The following ZNF723 variants were observed in gnomAD, a reference collection of about 807,000 sequenced individuals.
The protein encoded by ZNF723 is zinc finger protein 723, pseudogene.
Under a neutral mutation model 9.4 loss-of-function variants are expected in ZNF723, and 5 were observed. The observed-to-expected ratio is 0.53, with a 90% CI of 0.28 to 1.12. ZNF723 has a LOEUF of 1.12. Among genes scored for constraint, ZNF723 ranks in the 50% most tolerant of loss-of-function variants. The probability of loss-of-function intolerance (pLI) is 0.10; values close to 1 mark genes in which losing one functional copy is unlikely to be tolerated. For missense variants in ZNF723, 450 were observed against 501.5 expected (o/e 0.90, Z 0.98); for synonymous variants, 158 against 168.8 (o/e 0.94, Z 0.49).
the ZNF723 span, among the ~76,000 whole-genome samples, chr19:22,820,927 T>C: frequency 6.6e-6 from 1 of 152,196 alleles, no homozygotes; most frequent in Non-Finnish European, 1.5e-5. Context: ...CATCCACTGT[T>C]GAGGCTGTGA....
intron 3 of ZNF723, among the ~76,000 whole-genome samples, chr19:22,850,071 G>A (rs933501512): frequency 1.3e-5 from 2 of 150,464 alleles, no homozygotes; most frequent in African/African-American, 4.9e-5. Flanking sequence ...TTGAAATACA[G>A]TTTGGAATTA....
At chr19:22,829,159 T>TGAA, upstream of ZNF723, among the ~76,000 whole-genome samples, 1 of 150,490 alleles carries the variant, frequency 6.6e-6, no homozygotes, top group East Asian at 2.0e-4. Flanking sequence ...GGTGACAGAG[T>TGAA]GAAACTTCAT....
chr19:22,825,937 G>A, the ZNF723 span, among the ~76,000 whole-genome samples: 1 of 152,310 alleles, frequency 6.6e-6, no homozygotes, highest in African/African-American at 2.4e-5. Flanking sequence ...AGCAAATTAC[G>A]ACATATTGCT....
the ZNF723 span, among the ~76,000 whole-genome samples, chr19:22,821,023 C>T: frequency 6.6e-6 from 1 of 152,150 alleles, no homozygotes; most frequent in Non-Finnish European, 1.5e-5. Context: ...ACTCAATGAA[C>T]AGGATTCAGC....
the ZNF723 span, among the ~76,000 whole-genome samples, chr19:22,814,867 T>G: frequency 1.3e-5 from 2 of 152,120 alleles, no homozygotes. Context: ...TAGTGACATA[T>G]CACTGGCCCT....
the ZNF723 span, among the ~76,000 whole-genome samples, chr19:22,821,005 G>C: frequency 6.6e-6 from 1 of 152,298 alleles, no homozygotes; most frequent in East Asian, 1.9e-4. Context: ...TCCATAGGTA[G>C]AATGGTAACT....
chr19:22,818,556 T>C, the ZNF723 span, among the ~76,000 whole-genome samples: 2 of 152,228 alleles, frequency 1.3e-5, no homozygotes, highest in South Asian at 2.1e-4. Flanking sequence ...TCATGTACTT[T>C]TATCTGACAT....
intron 1 of ZNF723, among the ~76,000 whole-genome samples, chr19:22,839,133 G>T (rs767347640): frequency 6.6e-6 from 1 of 152,058 alleles, no homozygotes; most frequent in Non-Finnish European, 1.5e-5. Context: ...CTCTTAAATT[G>T]CTGTGATTAC....
At chr19:22,829,359 C>T (rs2145199308), upstream of ZNF723, among the ~76,000 whole-genome samples, 1 of 151,282 alleles carries the variant, frequency 6.6e-6, no homozygotes, top group Admixed American at 6.6e-5. Flanking sequence ...GATTTCCGTG[C>T]ACTACAACAT....
chr19:22,855,279 A>AGTACAGT (rs1382681889), intron 3 of ZNF723, among the ~76,000 whole-genome samples: 7 of 143,662 alleles, frequency 4.9e-5, no homozygotes, highest in African/African-American at 1.8e-4. Flanking sequence ...CCCAGGCTGG[A>AGTACAGT]GTACAGTGGT....
chr19:22,828,148 T>G (rs1009158344), upstream of ZNF723, among the ~76,000 whole-genome samples: 1 of 152,192 alleles, frequency 6.6e-6, no homozygotes, highest in Non-Finnish European at 1.5e-5. Context: ...TATAAATGTT[T>G]GCATGCAGTC....
At chr19:22,833,640 C>T (rs578154470) in intron 1 of ZNF723, among the ~76,000 whole-genome samples, 1 of 152,008 alleles carries the variant, frequency 6.6e-6, no homozygotes, top group South Asian at 2.1e-4. Flanking sequence ...AACAGAGTCT[C>T]ACTCTGTTGC....
At chr19:22,848,447 G>A (rs1967345173) in intron 2 of ZNF723, 60 bp downstream of exon 2, 4 of 1,217,940 alleles carry the variant, frequency 3.3e-6, no homozygotes, top group South Asian at 1.5e-5. Context: ...TTTTGGTGTT[G>A]TAGAATGTTT....
At chr19:22,831,341 G>C (rs150261441), upstream of ZNF723, among the ~76,000 whole-genome samples, 292 of 146,276 alleles carry the variant, frequency 2.0e-3, no homozygotes, top group African/African-American at 7.0e-3. Flanking sequence ...CGGATCACCT[G>C]AGGTCAGGAG....
intron 1 of ZNF723, among the ~76,000 whole-genome samples, chr19:22,843,226 C>G (rs1432615734): frequency 6.6e-6 from 1 of 152,216 alleles, no homozygotes; most frequent in Admixed American, 6.5e-5. Context: ...TCTCTCCTGT[C>G]TGTTTTATCA....
the ZNF723 span, among the ~76,000 whole-genome samples, chr19:22,823,946 A>G: frequency 3.9e-5 from 6 of 152,340 alleles, no homozygotes; most frequent in South Asian, 8.3e-4. Context: ...GGCCAATTAC[A>G]TAAGTTAAAT....
At chr19:22,826,275 T>C in the ZNF723 span, among the ~76,000 whole-genome samples, 1 of 152,230 alleles carries the variant, frequency 6.6e-6, no homozygotes, top group Non-Finnish European at 1.5e-5. Context: ...GCCTGGTCTC[T>C]GCTCCCAGGT....
At position 22,857,594 on chromosome 19, in the gene ZNF723, G is replaced by A; in HGVS notation, c.703G>A (p.Gly235Ser). ...GAAACCCTACAAATGTGAAGAATGT[G>A]GCAAAGCCTTTAATGTGTCCTCAAG... ...GEKPYKCEECGKAFNVSSSLN... is the reference protein window; with the variant it reads ...GEKPYKCEECSKAFNVSSSLN... The change falls in exon 4 of 4, where the codon GGC becomes AGC. Residue 235 changes from glycine (G) to serine (S), a missense_variant. Around this residue, in one of 5 missense-constraint regions of ZNF723, gnomAD observed 237 missense variants for 332.2 expected, o/e 0.71. Coordinates refer to ENST00000600766, the MANE Select transcript of ZNF723 (RefSeq NM_001349726.2). The A allele has an allele frequency of 7.4e-7, 1 of 1,342,958 alleles. No homozygotes were observed. The allele number at this position is 1,342,958 out of a possible 1,614,324, so 83.2% of individuals were successfully genotyped here. A position where few individuals can be genotyped will look rare whatever the true frequency, so the allele number is the denominator to read the frequency against.
intron 1 of ZNF723, chr19:22,840,551 T>G (rs1967230944): frequency 6.6e-6 from 1 of 152,172 alleles, no homozygotes; most frequent in African/African-American, 2.4e-5. Context: ...AAATATTTTT[T>G]TAGAGGAATA....
Sources: gnomAD v4.1 joint callset for allele counts (sites outside exome capture counted in the v4.1 genomes callset) on GRCh38, gnomAD v4.1.1 for gene constraint, gnomAD v4.1.1 regional missense constraint, MANE v1.5 for transcripts, NCBI Gene and HGNC (gene_info 2026-07-23, HGNC 2026-07-21) for gene names.